Variants in PIK3CB observed in about 807,000 individuals in gnomAD.
PIK3CB encodes the protein phosphatidylinositol-4,5-bisphosphate 3-kinase catalytic subunit beta.
PIK3CB carries 39 observed loss-of-function variants against 136.8 expected under a neutral mutation model. The observed-to-expected ratio is 0.29, with a 90% CI of 0.22 to 0.37. The LOEUF (loss-of-function observed/expected upper bound fraction) is 0.37, where lower values mean the gene tolerates loss of function less well. Among genes scored for constraint, PIK3CB ranks in the 10% least tolerant of loss-of-function variants. PIK3CB has a pLI of 1.00. For missense variants in PIK3CB, 868 were observed against 1,275.4 expected, an observed-to-expected ratio of 0.68 and a Z score of 4.87; for synonymous variants, 428 against 436.6, an observed-to-expected ratio of 0.98 and a Z score of 0.25.
Position 138,669,567 on chromosome 3 carries a change from C to T in PIK3CB, c.2505-4364G>A, listed in dbSNP as rs111241269. ...TGCAGAGGACTGGCAAATCTACCCA[C>T]GGCCAGATAGGTTTATATGTAGCCA... is the stretch of plus-strand genomic sequence containing the variant. On this transcript the variant is annotated intron_variant, in intron 19 of 23. Coordinates refer to ENST00000674063, the MANE Select transcript of PIK3CB (RefSeq NM_006219.3). Among the ~76,000 whole-genome samples the T allele has an allele frequency of 1.0e-3, 156 of 152,146 alleles. 1 individual carries two copies. The highest frequency in any genetic ancestry group is 1.5e-3 in the Non-Finnish European group (100 of 67,998).
intron 4 of PIK3CB, among the ~76,000 whole-genome samples, chr3:138,748,190 CACA>C (rs1248628986): frequency 6.8e-6 from 1 of 147,944 alleles, no homozygotes; most frequent in East Asian, 1.9e-4. Context: ...CACACACACA[CACA>C]CACATCCTTA....
chr3:138,822,809 A>G (rs1336281015), intron 1 of PIK3CB, among the ~76,000 whole-genome samples: 1 of 147,918 alleles, frequency 6.8e-6, no homozygotes, highest in African/African-American at 2.5e-5. Flanking sequence ...GCCACTGCAA[A>G]TATATATATA....
chr3:138,674,045 T>C (rs1343061027), intron 19 of PIK3CB, among the ~76,000 whole-genome samples: 1 of 152,100 alleles, frequency 6.6e-6, no homozygotes. Context: ...ACATTGTAGC[T>C]GTCTTGGGGG....
chr3:138,681,496 C>T (rs192417990), intron 19 of PIK3CB, among the ~76,000 whole-genome samples: 45 of 152,064 alleles, frequency 3.0e-4, no homozygotes, highest in African/African-American at 9.6e-4. Context: ...TTTTCTGTCA[C>T]GACACCACAA....
Position 138,711,827 on chromosome 3 carries a change from C to T in PIK3CB, c.1399+381G>A, listed in dbSNP as rs2044506879. On this transcript the variant is annotated intron_variant, in intron 10 of 23. Transcript: ENST00000674063. ...TAAAATACTAACTTGTTAAAATAAC[C>T]GTTTAAAATACAGGTCAGTAACAGT... Among the ~76,000 whole-genome samples the T allele has an allele frequency of 4.6e-5, 7 of 151,590 alleles. No individual in the cohort carries two copies. In the South Asian group the frequency reaches 1.2e-3, roughly 27 times the overall value.
intron 2 of PIK3CB, among the ~76,000 whole-genome samples, chr3:138,775,571 TG>T (rs537121831): frequency 9.0e-4 from 137 of 152,248 alleles, no homozygotes; most frequent in African/African-American, 2.9e-3. Context: ...TCTTAAGGTG[TG>T]GGACTGCAGT....
At chr3:138,679,859 G>A (rs2043728657) in intron 19 of PIK3CB, among the ~76,000 whole-genome samples, 1 of 148,722 alleles carries the variant, frequency 6.7e-6, no homozygotes, top group Non-Finnish European at 1.5e-5. Context: ...TTCCCAAAGT[G>A]CTGGGATTAC....
At chr3:138,738,453 G>A (rs1238936383) in intron 5 of PIK3CB, among the ~76,000 whole-genome samples, 1 of 152,064 alleles carries the variant, frequency 6.6e-6, no homozygotes, top group Non-Finnish European at 1.5e-5. Flanking sequence ...TTACAGGCAC[G>A]AGCCACCATG....
intron 1 of PIK3CB, among the ~76,000 whole-genome samples, chr3:138,812,621 G>A (rs542233822): frequency 6.8e-4 from 103 of 151,524 alleles, no homozygotes; most frequent in East Asian, 5.6e-3. Flanking sequence ...CCTGACTCCC[G>A]GGTTCAAGCG....
At chr3:138,821,563 T>C (rs954875717) in intron 1 of PIK3CB, among the ~76,000 whole-genome samples, 2 of 152,166 alleles carry the variant, frequency 1.3e-5, no homozygotes, top group African/African-American at 2.4e-5. Flanking sequence ...GATGGGTGGA[T>C]CACCTGAGGT....
intron 1 of PIK3CB, among the ~76,000 whole-genome samples, chr3:138,821,516 G>A (rs1029082549): frequency 2.0e-5 from 3 of 152,110 alleles, no homozygotes; most frequent in Non-Finnish European, 2.9e-5. Flanking sequence ...TGGGCATGGC[G>A]GCTCACGTCT....
At chr3:138,804,987 T>A (rs1000369608) in intron 1 of PIK3CB, among the ~76,000 whole-genome samples, 5 of 150,870 alleles carry the variant, frequency 3.3e-5, no homozygotes, top group Non-Finnish European at 7.4e-5. Flanking sequence ...ATCGTGCCAC[T>A]GCACTCCAGC....
At chr3:138,659,859 TCCTC>T (rs2043259055) in intron 21 of PIK3CB, among the ~76,000 whole-genome samples, 1 of 147,032 alleles carries the variant, frequency 6.8e-6, no homozygotes, top group African/African-American at 2.5e-5. Context: ...TGCCCTTCTT[TCCTC>T]TTCTTTTTTT....
chr3:138,759,056 C>T lies in PIK3CB; in HGVS notation c.171+117G>A, dbSNP rs182006887. The T allele has an allele frequency of 3.7e-5, 22 of 587,164 alleles. No individual in the cohort carries two copies. In the Admixed American group the frequency reaches 5.2e-4, roughly 14 times the overall value. The allele number at this position is 587,164 out of a possible 1,614,324, so 36.4% of individuals were successfully genotyped here. On this transcript the variant is annotated intron_variant, in intron 3 of 23. Transcript: ENST00000674063. The stretch of plus-strand genomic sequence containing the variant: ...TAAACTAATTTTTCTTAATTACCAT[C>T]ACTTCATTACTATCATTATCACATA...
chr3:138,699,192 T>A, intron 12 of PIK3CB, 97 bp from the exon 13 acceptor site: 1 of 362,142 alleles, frequency 2.8e-6, no homozygotes, highest in Non-Finnish European at 4.7e-6. Context: ...TAAATGAACC[T>A]AAGTATGTGA....
chr3:138,730,585 T>C (rs1053452705), intron 8 of PIK3CB, among the ~76,000 whole-genome samples: 3 of 152,086 alleles, frequency 2.0e-5, no homozygotes, highest in African/African-American at 2.4e-5. Flanking sequence ...TAATATTCCA[T>C]ATGACTTGTG....
intron 1 of PIK3CB, among the ~76,000 whole-genome samples, chr3:138,827,092 T>G (rs1933815822): frequency 6.7e-6 from 1 of 150,304 alleles, no homozygotes; most frequent in Non-Finnish European, 1.5e-5. Context: ...TAAATAAATA[T>G]TCCTGATCTC....
At chr3:138,656,114 CA>C in intron 23 of PIK3CB, 27 bp downstream of exon 23, 1 of 1,611,976 alleles carries the variant, frequency 6.2e-7, no homozygotes, top group Non-Finnish European at 8.5e-7. Context: ...CCACAAAGTC[CA>C]AGAGAGAAGG....
chr3:138,706,379 A>T (rs1296571700), intron 11 of PIK3CB, among the ~76,000 whole-genome samples: 1 of 152,240 alleles, frequency 6.6e-6, no homozygotes, highest in Non-Finnish European at 1.5e-5. Flanking sequence ...TGTATATTAA[A>T]GAAATATATT....
Sources: allele counts gnomAD v4.1 joint callset (sites outside exome capture counted in the v4.1 genomes callset), GRCh38; gene constraint gnomAD v4.1.1; transcripts MANE v1.5; gene names NCBI Gene and HGNC (gene_info 2026-07-23, HGNC 2026-07-21).